Variants in PLXNA4 observed in about 807,000 individuals in gnomAD.
The protein encoded by PLXNA4 is plexin-A4.
PLXNA4 carries 44 observed loss-of-function variants against 191.8 expected under a neutral mutation model. The ratio of observed to expected loss-of-function variants is 0.23; its 90% CI spans 0.18 to 0.29. The LOEUF (loss-of-function observed/expected upper bound fraction) is 0.29. Ranked by LOEUF, PLXNA4 falls within the 10% of genes least tolerant of loss-of-function variation. PLXNA4 has a pLI of 1.00. For missense variants in PLXNA4, 1,800 were observed against 2,488.8 expected (o/e 0.72, Z 5.89); for synonymous variants, 1,082 against 1,009.5 (o/e 1.07, Z -1.36).
intron 3 of PLXNA4, among the ~76,000 whole-genome samples, chr7:132,439,310 C>A (rs565746562): frequency 6.6e-6 from 1 of 152,304 alleles, no homozygotes; most frequent in South Asian, 2.1e-4. Context: ...TCTGAAAATT[C>A]TCCAGGCTAT....
At chr7:132,237,525 GC>G (rs1798742700) in intron 5 of PLXNA4, among the ~76,000 whole-genome samples, 1 of 152,138 alleles carries the variant, frequency 6.6e-6, no homozygotes, top group Non-Finnish European at 1.5e-5. Context: ...CAGCGGGCAG[GC>G]AGCCTTGGCC....
intron 3 of PLXNA4, among the ~76,000 whole-genome samples, chr7:132,344,286 C>T (rs1488532050): frequency 6.6e-6 from 1 of 152,150 alleles, no homozygotes; most frequent in African/African-American, 2.4e-5. Flanking sequence ...CTGTGTGCAA[C>T]CTCAATGTGC....
At chr7:132,321,666 G>A (rs1197292886) in intron 3 of PLXNA4, among the ~76,000 whole-genome samples, 2 of 152,350 alleles carry the variant, frequency 1.3e-5, no homozygotes, top group Non-Finnish European at 1.5e-5. Flanking sequence ...GCAGGAGGGA[G>A]CCCCGGGGGA....
At chr7:132,343,003 G>C (rs1803098626) in intron 3 of PLXNA4, among the ~76,000 whole-genome samples, 1 of 151,662 alleles carries the variant, frequency 6.6e-6, no homozygotes, top group South Asian at 2.1e-4. Flanking sequence ...ACAAGGGATG[G>C]GGGATACTGG....
intron 3 of PLXNA4, among the ~76,000 whole-genome samples, chr7:132,445,494 G>C (rs902467703): frequency 4.6e-5 from 7 of 151,550 alleles, no homozygotes; most frequent in Non-Finnish European, 7.4e-5. Flanking sequence ...TACTGCCATG[G>C]GGTACAGTAG....
chr7:132,226,736 C>T (rs1473259021), intron 7 of PLXNA4, among the ~76,000 whole-genome samples: 3 of 152,314 alleles, frequency 2.0e-5, no homozygotes, highest in African/African-American at 2.4e-5. Context: ...AGGGCTCCAC[C>T]GGGGCGGGAG....
At chr7:132,209,833 G>A (rs1027518026) in intron 10 of PLXNA4, among the ~76,000 whole-genome samples, 2 of 152,136 alleles carry the variant, frequency 1.3e-5, no homozygotes, top group African/African-American at 2.4e-5. Flanking sequence ...GTGTGACATA[G>A]GAGGGGTCCT....
chr7:132,562,637 CCT>C (rs1320845680), intron 1 of PLXNA4, among the ~76,000 whole-genome samples: 20 of 122,300 alleles, frequency 1.6e-4, no homozygotes, highest in African/African-American at 5.2e-4. Flanking sequence ...TCCTTCTCCT[CCT>C]CTTTCTCCTC....
At chr7:132,610,097 C>T (rs991352454) in intron 2 of PLXNA4, among the ~76,000 whole-genome samples, 1 of 152,178 alleles carries the variant, frequency 6.6e-6, no homozygotes, top group Non-Finnish European at 1.5e-5. Context: ...TATCCTCTTC[C>T]TATTTTAAGA....
At chr7:132,175,487 G>A (rs1039334702) in intron 20 of PLXNA4, among the ~76,000 whole-genome samples, 1 of 152,220 alleles carries the variant, frequency 6.6e-6, no homozygotes, top group South Asian at 2.1e-4. Context: ...CACTAATATA[G>A]TCCTTCTGTA....
chr7:132,405,058 ATGTGTGTGTGTGTATGTGTG>A (rs1488653134), intron 3 of PLXNA4, among the ~76,000 whole-genome samples: 1 of 66,812 alleles, frequency 1.5e-5, no homozygotes, highest in Non-Finnish European at 2.9e-5. Context: ...AGCTGAGGGT[ATGTGTGTGTGTGTATGTGTG>A]TGTGTGTGTG....
At chr7:132,562,047 TC>T (rs1563173476) in intron 1 of PLXNA4, among the ~76,000 whole-genome samples, 3 of 124,574 alleles carry the variant, frequency 2.4e-5, no homozygotes, top group African/African-American at 9.8e-5. Flanking sequence ...CTCTTCCTCC[TC>T]CTCTCCCTCC....
intron 3 of PLXNA4, among the ~76,000 whole-genome samples, chr7:132,390,750 A>G (rs1332630793): frequency 6.6e-6 from 1 of 151,618 alleles, no homozygotes; most frequent in Non-Finnish European, 1.5e-5. Flanking sequence ...CCTGAGACAC[A>G]CCCAGCCCCA....
chr7:132,181,494 A>G lies in PLXNA4; in HGVS notation c.3379T>C (p.Ser1127Pro), dbSNP rs577716425. 15 of 1,614,090 alleles carry G rather than the reference A, an allele frequency of 9.3e-6. No individual in the cohort carries two copies. The South Asian group carries it at 1.6e-4, about 18-fold the overall frequency. ...EFGFILDNVQ[S>P]LLILNKTNFT... ...TTGGTCTTGTTGAGGATGAGCAGGG[A>G]CTGGACGTTGTCCAGGATGAAGCCA... Residue 1127 changes from serine (S) to proline (P), a missense_variant, in exon 18 of 32, where the codon TCC (serine) becomes CCC (proline). By Grantham distance (74) the Ser-to-Pro change is moderately conservative (BLOSUM62 -1). This residue lies in a region of PLXNA4 where 1,397 missense variants were observed against 1,880.4 expected (regional missense o/e 0.74). Transcript: ENST00000321063.
At chr7:132,384,004 G>T (rs750055634) in intron 3 of PLXNA4, 10 of 985,338 alleles carry the variant, frequency 1.0e-5, no homozygotes, top group Non-Finnish European at 1.2e-5. Flanking sequence ...CACATGGCCT[G>T]TTACAAACCT....
chr7:132,609,155 G>T (rs570715461), intron 2 of PLXNA4, among the ~76,000 whole-genome samples: 2 of 152,188 alleles, frequency 1.3e-5, no homozygotes, highest in Admixed American at 6.5e-5. Context: ...CATTTTACAC[G>T]TTTTGTCATA....
At chr7:132,207,887 T>C (rs532590051) in intron 10 of PLXNA4, among the ~76,000 whole-genome samples, 11 of 152,340 alleles carry the variant, frequency 7.2e-5, no homozygotes, top group Admixed American at 2.0e-4. Context: ...TGCTGTTCTT[T>C]GCTCAACCTT....
intron 10 of PLXNA4, among the ~76,000 whole-genome samples, chr7:132,204,857 TG>T (rs1797559400): frequency 6.6e-6 from 1 of 152,194 alleles, no homozygotes; most frequent in Non-Finnish European, 1.5e-5. Flanking sequence ...GAGAACAGAC[TG>T]TGACTTGACA....
At chr7:132,184,591 T>C (rs564240508) in intron 16 of PLXNA4, among the ~76,000 whole-genome samples, 4 of 152,298 alleles carry the variant, frequency 2.6e-5, no homozygotes, top group Non-Finnish European at 4.4e-5. Flanking sequence ...GGTGAATCAC[T>C]GAATAGGCAG....
Sources: allele counts gnomAD v4.1 joint callset (sites outside exome capture counted in the v4.1 genomes callset), GRCh38; gene constraint gnomAD v4.1.1; regional missense constraint gnomAD v4.1.1; transcripts MANE v1.5; gene names NCBI Gene and HGNC (gene_info 2026-07-23, HGNC 2026-07-21).